The following DCLK2 variants were observed in gnomAD, a reference collection of about 807,000 sequenced individuals.
The protein encoded by DCLK2 is doublecortin like kinase 2.
DCLK2 carries 31 observed loss-of-function variants against 78.4 expected under a neutral mutation model. The observed-to-expected ratio is 0.40, with a 90% CI of 0.30 to 0.53. The LOEUF is 0.53. Among genes scored for constraint, DCLK2 ranks in the 20% least tolerant of loss-of-function variants. The pLI, the probability that DCLK2 is intolerant of heterozygous loss-of-function variation, is 0.61. For missense variants in DCLK2, 872 were observed against 973.7 expected (o/e 0.90, Z 1.39); for synonymous variants, 407 against 374.9 (o/e 1.09, Z -0.99).
intron 14 of DCLK2, 40 bp downstream of exon 14, chr4:150,248,425 T>G (rs937808298): frequency 6.5e-7 from 1 of 1,536,782 alleles, no homozygotes; most frequent in Non-Finnish European, 9.0e-7. Context: ...CTCACTGTGC[T>G]CTGTGGCCAA....
chr4:150,087,372 T>C (rs1249237990), intron 1 of DCLK2, among the ~76,000 whole-genome samples: 5 of 152,250 alleles, frequency 3.3e-5, no homozygotes, highest in African/African-American at 1.2e-4. Flanking sequence ...TTTTAAAATA[T>C]TTTCATTGAT....
intron 2 of DCLK2, among the ~76,000 whole-genome samples, chr4:150,142,563 T>C (rs891783675): frequency 6.6e-6 from 1 of 152,214 alleles, no homozygotes; most frequent in African/African-American, 2.4e-5. Context: ...TTTCCTGTGA[T>C]ATTTGTTGGC....
intron 4 of DCLK2, 152 bp downstream of exon 4, chr4:150,198,255 T>A (rs1739206248): frequency 3.1e-6 from 2 of 652,214 alleles, no homozygotes; most frequent in East Asian, 5.9e-5. Flanking sequence ...AAACCAAAAG[T>A]CAAGTCTGTT....
In DCLK2 at chr4:150,086,658, C is replaced by G. The variant is rs1580471311; in HGVS notation, c.421+7210C>G. Among the ~76,000 whole-genome samples, 6 of 152,226 alleles carry G rather than the reference C, an allele frequency of 3.9e-5. 1 individual carries two copies. Among genetic ancestry groups the G allele is most frequent in the Admixed American group, 3.9e-4 (6 of 15,290 alleles). ...AGTAGCTGGGACTACAGGCGCCCAC[C>G]ACCACGCCCTGCTAATTTTTTGTAT... is the stretch of plus-strand genomic sequence containing the variant. On this transcript the variant is annotated intron_variant, in intron 1 of 15. Transcript: ENST00000296550.
chr4:150,248,904 C>G lies in DCLK2; in HGVS notation c.1956+519C>G, dbSNP rs556954210. Among the ~76,000 whole-genome samples, 4 of 151,966 alleles carry G rather than the reference C, an allele frequency of 2.6e-5. No individual in the cohort carries two copies. In the South Asian group the frequency reaches 8.3e-4, roughly 32 times the overall value. On this transcript the variant is annotated intron_variant, in intron 14 of 15. Coordinates refer to ENST00000296550, the MANE Select transcript of DCLK2 (RefSeq NM_001040260.4). ...GCTCAGGTGGTCTCTGGGAGGGAAACATGATCCAATAAATGGGGACTGTGG... is the reference window on the plus strand; with the variant it reads ...GCTCAGGTGGTCTCTGGGAGGGAAAGATGATCCAATAAATGGGGACTGTGG...
chr4:150,208,614 T>C (rs1278725572), intron 5 of DCLK2, among the ~76,000 whole-genome samples: 1 of 150,472 alleles, frequency 6.6e-6, no homozygotes, highest in Non-Finnish European at 1.5e-5. Flanking sequence ...GGGGGAGGTG[T>C]GGGAAAAAGA....
At chr4:150,241,665 A>G (rs933372950) in intron 12 of DCLK2, among the ~76,000 whole-genome samples, 1 of 152,192 alleles carries the variant, frequency 6.6e-6, no homozygotes, top group African/African-American at 2.4e-5. Flanking sequence ...TGTGGCTTAT[A>G]AACACCAGAA....
At chr4:150,215,144 C>G (rs915275590) in intron 5 of DCLK2, among the ~76,000 whole-genome samples, 2 of 152,046 alleles carry the variant, frequency 1.3e-5, no homozygotes, top group East Asian at 3.9e-4. Flanking sequence ...AAATCTTTCT[C>G]AAACCATGTT....
chr4:150,220,348 C>G (rs954512872), intron 5 of DCLK2, among the ~76,000 whole-genome samples: 1 of 152,128 alleles, frequency 6.6e-6, no homozygotes, highest in Non-Finnish European at 1.5e-5. Flanking sequence ...ACATGGTTAG[C>G]CTGGAACCAT....
intron 2 of DCLK2, among the ~76,000 whole-genome samples, chr4:150,183,182 C>T (rs1300301640): frequency 6.6e-6 from 1 of 152,200 alleles, no homozygotes; most frequent in Non-Finnish European, 1.5e-5. Flanking sequence ...ACCAGTTTCT[C>T]ACTGAGATCC....
chr4:150,250,363 A>G (rs910415972), intron 15 of DCLK2, among the ~76,000 whole-genome samples: 1 of 152,124 alleles, frequency 6.6e-6, no homozygotes, highest in African/African-American at 2.4e-5. Flanking sequence ...AATCAAAAGG[A>G]AAAAACATTG....
At chr4:150,251,840 G>A (rs527465258) in intron 15 of DCLK2, among the ~76,000 whole-genome samples, 69 of 150,224 alleles carry the variant, frequency 4.6e-4, no homozygotes, top group African/African-American at 9.6e-4. Context: ...CCACTGGGCC[G>A]TCATTCTCTT....
chr4:150,173,385 T>G (rs1340237578), intron 2 of DCLK2, among the ~76,000 whole-genome samples: 3 of 152,170 alleles, frequency 2.0e-5, no homozygotes, highest in Non-Finnish European at 4.4e-5. Context: ...CTGGGTTGTT[T>G]GGTGTCTCGA....
chr4:150,183,737 CTTTTTTT>C (rs376479148), intron 2 of DCLK2, among the ~76,000 whole-genome samples: 1 of 143,086 alleles, frequency 7.0e-6, no homozygotes, highest in Non-Finnish European at 1.5e-5. Context: ...TTTTCTTTTT[CTTTTTTT>C]TTTTTTGGAG....
At chr4:150,116,202 T>C (rs28781622) in intron 2 of DCLK2, among the ~76,000 whole-genome samples, 58,076 of 152,018 alleles carry the variant, frequency 0.38, 11,328 homozygotes, top group Non-Finnish European at 0.42. Flanking sequence ...TGAAGGGTTC[T>C]AGAAGGGCTG....
chr4:150,210,219 T>C (rs1363624844), intron 5 of DCLK2, among the ~76,000 whole-genome samples: 3 of 152,138 alleles, frequency 2.0e-5, no homozygotes, highest in Non-Finnish European at 2.9e-5. Context: ...CCGCACAGGA[T>C]TGAGATTGAT....
rs141997892 is a variant in DCLK2, at chr4:150,099,760, G to A, written c.422-2718G>A. On this transcript the variant is annotated intron_variant, in intron 1 of 15. Transcript: ENST00000296550. The stretch of plus-strand genomic sequence containing the variant: ...AGGCTTAAAGAAAACAGGGCCATGG[G>A]TGCAGAGAAGAGGGTGAGGCTATTG... Among the ~76,000 whole-genome samples, 452 of 152,280 alleles carry A rather than the reference G, an allele frequency of 3.0e-3. 4 individuals are homozygous for A. The highest frequency in any genetic ancestry group is 0.01 in the African/African-American group (432 of 41,562).
intron 2 of DCLK2, among the ~76,000 whole-genome samples, chr4:150,188,470 G>A (rs2126333858): frequency 6.6e-6 from 1 of 152,056 alleles, no homozygotes; most frequent in South Asian, 2.1e-4. Context: ...AAAGAAAATT[G>A]TATAATTTGG....
At chr4:150,166,287 C>G (rs1736067735) in intron 2 of DCLK2, among the ~76,000 whole-genome samples, 1 of 151,986 alleles carries the variant, frequency 6.6e-6, no homozygotes, top group African/African-American at 2.4e-5. Context: ...CGCAGGAGTT[C>G]AAGACAAGCC....
Sources: gnomAD v4.1 joint callset for allele counts (sites outside exome capture counted in the v4.1 genomes callset) on GRCh38, gnomAD v4.1.1 for gene constraint, MANE v1.5 for transcripts, NCBI Gene and HGNC (gene_info 2026-07-23, HGNC 2026-07-21) for gene names.